The following DDB1 variants were observed in gnomAD, a reference collection of about 807,000 sequenced individuals.
DDB1 encodes the protein DNA damage-binding protein 1.
In DDB1, 18 loss-of-function variants were observed where a neutral mutation model predicts 133.1. That is an observed-to-expected ratio of 0.14 (90% CI 0.09 to 0.20). The LOEUF (loss-of-function observed/expected upper bound fraction) is 0.20, where lower values mean the gene tolerates loss of function less well. Ranked by LOEUF, DDB1 falls within the 10% of genes least tolerant of loss-of-function variation. The pLI is 1.00. For missense variants in DDB1, 828 were observed against 1,459.2 expected (o/e 0.57, Z 7.05); for synonymous variants, 580 against 550.5 (o/e 1.05, Z -0.75).
Position 61,323,091 on chromosome 11 carries a change from A to G in DDB1, c.925T>C (p.Ser309Pro). The change falls in exon 8 of 27, where the codon TCT becomes CCT. Residue 309 changes from serine to proline, a missense_variant. This residue lies in a region of DDB1 where 35 missense variants were observed against 57.5 expected (regional missense o/e 0.61). Transcript: ENST00000301764. The stretch of plus-strand genomic sequence containing the variant: ...AGGTATGTCAAGCACTCAGCAATAG[A>G]GGTCTGGAAGAAAGTCAGCAACGTG... Reference protein sequence around the residue: ...DLRVELLGETSIAECLTYLDN... With the variant: ...DLRVELLGETPIAECLTYLDN... 1.2e-6 allele frequency: 2 copies of G among 1,613,758 alleles called. No homozygotes were observed. The highest frequency in any genetic ancestry group is 1.7e-6 in the Non-Finnish European group (2 of 1,179,900).
intron 26 of DDB1, among the ~76,000 whole-genome samples, 182 bp from the exon 27 acceptor site, chr11:61,300,401 A>G (rs1055547472): frequency 6.6e-6 from 1 of 151,974 alleles, no homozygotes; most frequent in Non-Finnish European, 1.5e-5. Flanking sequence ...CACCTGGTCT[A>G]TTTCTCCCTC....
chr11:61,303,063 A>T lies in DDB1; in HGVS notation c.2925T>A (p.Phe975Leu), dbSNP rs140169400. 2 of 1,614,072 alleles carry T rather than the reference A, an allele frequency of 1.2e-6. No individual in the cohort carries two copies. The highest frequency in any genetic ancestry group is 1.7e-6 in the Non-Finnish European group (2 of 1,180,028). The change falls in exon 23 of 27, where the codon TTT becomes TTA. Residue 975 changes from phenylalanine to leucine, a missense_variant. Coordinates refer to ENST00000301764, the MANE Select transcript of DDB1 (RefSeq NM_001923.5). ...CTACTCACCTATCCTTTTGACACAC[A>T]AACAAGTTAAAGGCATTTTCAGCCC... ...FLGAENAFNL[F>L]VCQKDSAATT...
intron 1 of DDB1, chr11:61,332,316 G>A (rs990492934): frequency 6.5e-6 from 1 of 153,048 alleles, no homozygotes; most frequent in Non-Finnish European, 1.5e-5. Context: ...ACTCTTCCCG[G>A]GTTCTGAACA....
chr11:61,310,219 T>G, intron 19 of DDB1, 76 bp downstream of exon 19: 1 of 1,545,206 alleles, frequency 6.5e-7, no homozygotes. Context: ...CTGTCAGGCT[T>G]TGCAGGTACC....
At chr11:61,316,128 A>G (rs1856061290) in intron 12 of DDB1, 157 bp downstream of exon 12, 1 of 647,888 alleles carries the variant, frequency 1.5e-6, no homozygotes, top group African/African-American at 1.8e-5. Flanking sequence ...AAGAGTTGTG[A>G]TCTCTGAGTA....
chr11:61,302,147 C>T (rs1450398119), intron 25 of DDB1, 110 bp downstream of exon 25: 2 of 929,700 alleles, frequency 2.2e-6, no homozygotes, highest in Non-Finnish European at 3.4e-6. Flanking sequence ...AAAACCTGTT[C>T]TGTACAGGAA....
At chr11:61,306,779 C>T (rs917089058) in intron 21 of DDB1, among the ~76,000 whole-genome samples, 7 of 152,116 alleles carry the variant, frequency 4.6e-5, no homozygotes, top group Non-Finnish European at 1.0e-4. Flanking sequence ...TAACAAAACT[C>T]GACTTGTATT....
rs1171452682 is a variant in DDB1 at position 61,300,058 on chromosome 11, G to C, written c.*78C>G. Reference sequence around the variant, plus strand: ...GGGAAAGGCCTCCCATGGCCAAGAAGACGATGGTGGAGAGGAGGGGGAGGG... The same window carrying C: ...GGGAAAGGCCTCCCATGGCCAAGAACACGATGGTGGAGAGGAGGGGGAGGG... On this transcript the variant is annotated 3_prime_UTR_variant, in exon 27 of 27. Transcript: ENST00000301764. 1 of 1,472,238 alleles carries C rather than the reference G, an allele frequency of 6.8e-7. No individual in the cohort carries two copies. Among genetic ancestry groups the C allele is most frequent in the Non-Finnish European group, 9.5e-7 (1 of 1,055,142 alleles). The allele number at this position is 1,472,238 out of a possible 1,614,324, so 91.2% of individuals were successfully genotyped here. A position where few individuals can be genotyped will look rare whatever the true frequency, so the allele number is the denominator to read the frequency against.
At chr11:61,308,230 C>T (rs1855908131) in intron 21 of DDB1, among the ~76,000 whole-genome samples, 1 of 152,182 alleles carries the variant, frequency 6.6e-6, no homozygotes. Flanking sequence ...AGACACCAGG[C>T]CCGCCCACTC....
intron 1 of DDB1, chr11:61,332,706 A>G: frequency 2.3e-6 from 1 of 442,344 alleles, no homozygotes; most frequent in East Asian, 3.5e-5. Flanking sequence ...GGGACCCTCG[A>G]GAGCGGCTTC....
intron 26 of DDB1, among the ~76,000 whole-genome samples, 177 bp from the exon 27 acceptor site, chr11:61,300,396 G>C (rs1855773337): frequency 6.6e-6 from 1 of 152,112 alleles, no homozygotes; most frequent in African/African-American, 2.4e-5. Flanking sequence ...GACACCACCT[G>C]GTCTATTTCT....
At chr11:61,313,076 G>A (rs991421272) in intron 16 of DDB1, among the ~76,000 whole-genome samples, 1 of 152,192 alleles carries the variant, frequency 6.6e-6, no homozygotes, top group Non-Finnish European at 1.5e-5. Context: ...GCCTCCCAAA[G>A]TGCCGGGACT....
Position 61,326,767 on chromosome 11 carries a change from C to G in DDB1, c.664+12G>C. On this transcript the variant is annotated intron_variant, in intron 5 of 26. Coordinates refer to ENST00000301764, the MANE Select transcript of DDB1 (RefSeq NM_001923.5). ...CCCAGGTGGAGGCACATTTCCTAAA[C>G]CCCCTACCAACCTGCGATCACCATG... 2 of 1,611,384 alleles carry G rather than the reference C, an allele frequency of 1.2e-6. No homozygotes were observed. Among genetic ancestry groups the G allele is most frequent in the Non-Finnish European group, 1.7e-6 (2 of 1,177,536 alleles).
Position 61,329,592 on chromosome 11 carries a change from A to G in DDB1, c.328-8T>C, listed in dbSNP as rs370635244. 91 of 1,601,054 alleles carry G rather than the reference A, an allele frequency of 5.7e-5. No homozygotes were observed. Among genetic ancestry groups the G allele is most frequent in the Non-Finnish European group, 7.6e-5 (89 of 1,173,320 alleles). ...GGGGCGGCCAATGCGGTCCTGAGAA[A>G]CAAAATCGGGATTAGGGAAGAACCT... is the stretch of plus-strand genomic sequence containing the variant. On this transcript the variant is annotated splice_region_variant and splice_polypyrimidine_tract_variant and intron_variant, in intron 3 of 26. Coordinates refer to ENST00000301764, the MANE Select transcript of DDB1 (RefSeq NM_001923.5).
chr11:61,311,649 C>G (rs1440617603), intron 18 of DDB1, 135 bp downstream of exon 18: 5 of 719,526 alleles, frequency 6.9e-6, no homozygotes, highest in Non-Finnish European at 1.1e-5. Context: ...TTTCAGGCTA[C>G]GATGGCAAAG....
At chr11:61,309,371 G>C (rs566335550) in intron 20 of DDB1, among the ~76,000 whole-genome samples, 1 of 152,094 alleles carries the variant, frequency 6.6e-6, no homozygotes, top group African/African-American at 2.4e-5. Context: ...TGAGATTTCC[G>C]GGCTGATAGT....
At chr11:61,331,506 T>A (rs1348990758) in intron 2 of DDB1, 37 bp downstream of exon 2, 1 of 1,600,272 alleles carries the variant, frequency 6.2e-7, no homozygotes, top group Non-Finnish European at 8.5e-7. Context: ...CGACCAACAG[T>A]TCCCCCTCCA....
In DDB1 at chr11:61,329,588, A is replaced by T. The variant is rs1435746878; in HGVS notation, c.328-4T>A. ...CTGAGGGGCGGCCAATGCGGTCCTG[A>T]GAAACAAAATCGGGATTAGGGAAGA... On this transcript the variant is annotated splice_region_variant and splice_polypyrimidine_tract_variant and intron_variant, in intron 3 of 26. Coordinates refer to ENST00000301764, the MANE Select transcript of DDB1 (RefSeq NM_001923.5). 4 of 1,605,304 alleles carry T rather than the reference A, an allele frequency of 2.5e-6. No homozygotes were observed. In the South Asian group the frequency reaches 4.4e-5, roughly 18 times the overall value.
intron 26 of DDB1, among the ~76,000 whole-genome samples, 184 bp from the exon 27 acceptor site, chr11:61,300,403 T>A (rs991154160): frequency 3.9e-5 from 6 of 152,090 alleles, no homozygotes; most frequent in Non-Finnish European, 7.4e-5. Context: ...CCTGGTCTAT[T>A]TCTCCCTCTT....
Sources: allele counts gnomAD v4.1 joint callset (sites outside exome capture counted in the v4.1 genomes callset), GRCh38; gene constraint gnomAD v4.1.1; regional missense constraint gnomAD v4.1.1; transcripts MANE v1.5; gene names NCBI Gene and HGNC (gene_info 2026-07-23, HGNC 2026-07-21).